The following MYRIP variants were observed in gnomAD, a reference collection of about 807,000 sequenced individuals.
The protein encoded by MYRIP is rab effector MyRIP.
MYRIP carries 49 observed loss-of-function variants against 98.0 expected under a neutral mutation model. The observed-to-expected ratio is 0.50, with a 90% CI of 0.40 to 0.63. The LOEUF is 0.63. Among genes scored for constraint, MYRIP ranks in the 30% least tolerant of loss-of-function variants. The probability of loss-of-function intolerance (pLI) is 0.00; values close to 1 mark genes in which losing one functional copy is unlikely to be tolerated. For synonymous variants in MYRIP, 404 were observed against 409.5 expected (o/e 0.99, Z 0.16); for missense variants, 1,004 against 1,058.2 (o/e 0.95, Z 0.71).
chr3:40,252,087 C>A, intron 16 of MYRIP, 88 bp downstream of exon 16: 1 of 999,944 alleles, frequency 1.0e-6, no homozygotes, highest in South Asian at 1.5e-5. Flanking sequence ...GCTCCCGCAT[C>A]AGAACCCCCA....
chr3:40,181,234 G>C (rs528382390), intron 8 of MYRIP, among the ~76,000 whole-genome samples: 1 of 120,256 alleles, frequency 8.3e-6, no homozygotes, highest in African/African-American at 3.2e-5. Context: ...ACGGAGCCCA[G>C]GCACGGCTGA....
chr3:39,935,491 CA>C (rs1559528132), intron 2 of MYRIP, among the ~76,000 whole-genome samples: 1 of 152,092 alleles, frequency 6.6e-6, no homozygotes, highest in Non-Finnish European at 1.5e-5. Flanking sequence ...CATTGTTCTG[CA>C]GGAAGCAACA....
intron 1 of MYRIP, among the ~76,000 whole-genome samples, chr3:39,839,420 G>T (rs1184338803): frequency 6.6e-6 from 1 of 152,024 alleles, no homozygotes; most frequent in Non-Finnish European, 1.5e-5. Flanking sequence ...ACCATGCCTG[G>T]CTAATTTTTG....
At chr3:39,865,130 T>A (rs1356209928) in intron 1 of MYRIP, among the ~76,000 whole-genome samples, 4 of 152,204 alleles carry the variant, frequency 2.6e-5, no homozygotes, top group Non-Finnish European at 5.9e-5. Flanking sequence ...ACCCCTTCCT[T>A]ACACTATATG....
At chr3:40,200,765 C>T (rs1187588747) in intron 10 of MYRIP, among the ~76,000 whole-genome samples, 1 of 152,116 alleles carries the variant, frequency 6.6e-6, no homozygotes, top group Non-Finnish European at 1.5e-5. Flanking sequence ...GGGTCTAGAG[C>T]ACACTCAGTC....
intron 2 of MYRIP, among the ~76,000 whole-genome samples, chr3:39,932,555 T>C (rs997155669): frequency 8.6e-5 from 13 of 151,996 alleles, no homozygotes; most frequent in Admixed American, 6.6e-5. Context: ...GGGTTTTTTT[T>C]GGTTTTTGTT....
chr3:39,997,418 A>C (rs1946389933), intron 2 of MYRIP, among the ~76,000 whole-genome samples: 1 of 152,172 alleles, frequency 6.6e-6, no homozygotes, highest in Admixed American at 6.5e-5. Flanking sequence ...CTATGCAAAT[A>C]AACTAGAAAA....
intron 3 of MYRIP, among the ~76,000 whole-genome samples, chr3:40,139,583 AT>A (rs1422079091): frequency 6.6e-6 from 1 of 151,822 alleles, no homozygotes; most frequent in South Asian, 2.1e-4. Context: ...TCAGCAGTTC[AT>A]TTTTTTCCTT....
At chr3:40,168,849 C>A (rs774067640) in intron 7 of MYRIP, among the ~76,000 whole-genome samples, 1 of 152,228 alleles carries the variant, frequency 6.6e-6, no homozygotes. Context: ...TCTCCCTATA[C>A]TGGGAGGGTC....
In MYRIP at chr3:40,210,058, GA is replaced by G; in HGVS notation, c.1871del (p.Asp624AlafsTer10). The G allele has an allele frequency of 6.2e-7, 1 of 1,614,030 alleles. No homozygotes were observed. The highest frequency in any genetic ancestry group is 8.5e-7 in the Non-Finnish European group (1 of 1,179,944). Reference sequence around the variant, plus strand: ...CCAGAAGGAAAGTCTGTCCTCTGAAGACAACAGCCAGAGTGTCCAGGAAGAG... The same window carrying G: ...CCAGAAGGAAAGTCTGTCCTCTGAAGCAACAGCCAGAGTGTCCAGGAAGAG... The part of the protein sequence containing the change: ...ENQKESLSSE[D>X]NSQSVQEELK... On this transcript the variant is annotated frameshift_variant, in exon 11 of 17. Coordinates refer to ENST00000302541, the MANE Select transcript of MYRIP (RefSeq NM_015460.4). LOFTEE classifies it high-confidence loss of function.
intron 3 of MYRIP, among the ~76,000 whole-genome samples, chr3:40,091,071 A>G (rs1250885245): frequency 2.0e-5 from 3 of 152,216 alleles, no homozygotes; most frequent in African/African-American, 7.2e-5. Flanking sequence ...TCTGCGCATC[A>G]AAGAGCTGAG....
chr3:40,052,613 A>G (rs934503728), intron 3 of MYRIP, among the ~76,000 whole-genome samples: 2 of 152,198 alleles, frequency 1.3e-5, no homozygotes. Flanking sequence ...ACCATCATGT[A>G]TCAAGAGCCT....
intron 3 of MYRIP, among the ~76,000 whole-genome samples, chr3:40,116,303 C>G (rs115354892): frequency 2.0e-5 from 3 of 152,098 alleles, no homozygotes; most frequent in African/African-American, 7.2e-5. Flanking sequence ...GAAAGTAAGA[C>G]GTGGTCTCAA....
chr3:40,198,586 G>GTGAA (rs1423078700), intron 10 of MYRIP, among the ~76,000 whole-genome samples: 1 of 152,174 alleles, frequency 6.6e-6, no homozygotes, highest in Non-Finnish European at 1.5e-5. Context: ...GAAATTTTGT[G>GTGAA]TGAAAGATGT....
At chr3:40,188,358 G>GGCCTTA (rs1951092953) in intron 9 of MYRIP, among the ~76,000 whole-genome samples, 1 of 152,108 alleles carries the variant, frequency 6.6e-6, no homozygotes, top group African/African-American at 2.4e-5. Context: ...CAGGGCTGTG[G>GGCCTTA]CTGCTACAGG....
chr3:40,058,206 C>A (rs1399972452), intron 3 of MYRIP, among the ~76,000 whole-genome samples: 1 of 152,100 alleles, frequency 6.6e-6, no homozygotes, highest in African/African-American at 2.4e-5. Context: ...AAAGATACCA[C>A]CACTTGGGAA....
chr3:40,020,632 C>T (rs115279291), intron 2 of MYRIP, among the ~76,000 whole-genome samples: 8 of 152,284 alleles, frequency 5.3e-5, no homozygotes, highest in Middle Eastern at 3.4e-3. Flanking sequence ...TGAGCTCAAA[C>T]GTATGGGTAC....
intron 3 of MYRIP, among the ~76,000 whole-genome samples, chr3:40,140,428 G>A (rs1270534905): frequency 6.6e-6 from 1 of 152,166 alleles, no homozygotes; most frequent in Non-Finnish European, 1.5e-5. Flanking sequence ...AAACATGGGG[G>A]TGCAGATGTC....
rs555039671 is a variant in MYRIP, at chr3:39,876,155, C to G, written c.-30-24632C>G. Among the ~76,000 whole-genome samples the G allele has an allele frequency of 2.4e-3, 359 of 152,020 alleles. 5 individuals are homozygous for G. The South Asian group carries it at 0.045, about 19-fold the overall frequency. The stretch of plus-strand genomic sequence containing the variant: ...TAAAGTCTGTTTTATCAGAGACTAG[C>G]ATTGCAACCCCTGCCTTTTTTTGTT... On this transcript the variant is annotated intron_variant, in intron 1 of 16. Coordinates refer to ENST00000302541, the MANE Select transcript of MYRIP (RefSeq NM_015460.4).
Sources: allele counts gnomAD v4.1 joint callset (sites outside exome capture counted in the v4.1 genomes callset), GRCh38; gene constraint gnomAD v4.1.1; transcripts MANE v1.5; gene names NCBI Gene and HGNC (gene_info 2026-07-23, HGNC 2026-07-21).